KCNU1: variants seen among roughly 807,000 people sequenced by gnomAD.
KCNU1 encodes the protein potassium calcium-activated channel subfamily U member 1.
KCNU1 carries 93 observed loss-of-function variants against 126.8 expected under a neutral mutation model. The observed-to-expected ratio is 0.73, with a 90% CI of 0.62 to 0.87. KCNU1 has a LOEUF of 0.87. KCNU1 is among the 40% of genes least tolerant of loss of function. The pLI, the probability that KCNU1 is intolerant of heterozygous loss-of-function variation, is 0.00. For missense variants in KCNU1, 1,330 were observed against 1,367.1 expected (o/e 0.97, Z 0.43); for synonymous variants, 523 against 494.2 (o/e 1.06, Z -0.77).
chr8:36,898,186 A>C (rs1230343588), intron 19 of KCNU1, among the ~76,000 whole-genome samples: 1 of 152,134 alleles, frequency 6.6e-6, no homozygotes, highest in Non-Finnish European at 1.5e-5. Flanking sequence ...ATGGATAAGA[A>C]GACTTCACAA....
rs764321461 is a variant in KCNU1, at chr8:36,910,961, C to T, written c.2363C>T (p.Ala788Val). The change falls in exon 22 of 27, where the codon GCG becomes GTG. Residue 788 changes from alanine (A) to valine (V), a missense_variant. This residue lies in a region of KCNU1 where 1,054 missense variants were observed against 1,053.9 expected (regional missense o/e 1.00). Coordinates refer to ENST00000399881, the MANE Select transcript of KCNU1 (RefSeq NM_001031836.3). ...GCACTTTATTCTGGAGACCTCCATG[C>T]GGCCAACATAGAGCAATGCTCCATG... ...GCALYSGDLH[A>V]ANIEQCSMCA... The T allele has an allele frequency of 2.3e-5, 37 of 1,612,406 alleles. No individual in the cohort carries two copies. Among genetic ancestry groups the T allele is most frequent in the South Asian group, 1.5e-4 (14 of 90,812 alleles).
chr8:36,795,918 C>G (rs1341460683), intron 2 of KCNU1: 1 of 152,246 alleles, frequency 6.6e-6, no homozygotes, highest in Admixed American at 6.5e-5. Context: ...CACCACAAGC[C>G]CAGGCTAGGT....
intron 16 of KCNU1, among the ~76,000 whole-genome samples, 192 bp downstream of exon 16, chr8:36,841,195 G>C (rs905595913): frequency 7.2e-5 from 11 of 151,990 alleles, no homozygotes; most frequent in Non-Finnish European, 1.3e-4. Flanking sequence ...GCTCAGGTTA[G>C]GGTGGTGACC....
Position 36,909,337 on chromosome 8 carries a change from G to T in KCNU1, c.2133G>T (p.Lys711Asn). Reference protein sequence around the residue: ...TLKRTGKSKYKFRNHIVACVF... With the variant: ...TLKRTGKSKYNFRNHIVACVF... ...AACGAACTGGCAAGTCAAAGTATAA[G>T]TTTCGGAACCATATTGTAGCATGTG... The change falls in exon 21 of 27, where the codon AAG becomes AAT. Residue 711 changes from lysine (K) to asparagine (N), a missense_variant. Physicochemically the swap from Lys to Asn is moderately conservative, Grantham distance 94. Transcript: ENST00000399881. 1 of 1,613,570 alleles carries T rather than the reference G, an allele frequency of 6.2e-7. No homozygotes were observed. Among genetic ancestry groups the T allele is most frequent in the Non-Finnish European group, 8.5e-7 (1 of 1,179,546 alleles).
At chr8:36,891,913 T>C (rs1806978613) in intron 19 of KCNU1, among the ~76,000 whole-genome samples, 1 of 152,104 alleles carries the variant, frequency 6.6e-6, no homozygotes, top group African/African-American at 2.4e-5. Context: ...CTCTGAACAA[T>C]TTGATTATGG....
At position 36,817,895 on chromosome 8, in the gene KCNU1, A is replaced by G. The variant is rs557533545; in HGVS notation, c.1106+135A>G. 5 of 550,410 alleles carry G rather than the reference A, an allele frequency of 9.1e-6. No individual in the cohort carries two copies. The South Asian group carries it at 1.4e-4, about 15-fold the overall frequency. 34.1% of individuals were successfully genotyped at this position (550,410 alleles called of 1,614,324 possible). ...TGATCATAAACAAAACAAAAAAGAA[A>G]AGAAATCTTTGACCAAGCTAATCTC... On this transcript the variant is annotated intron_variant, in intron 10 of 26. Coordinates refer to ENST00000399881, the MANE Select transcript of KCNU1 (RefSeq NM_001031836.3).
At chr8:36,787,025 T>C (rs1802732940) in intron 1 of KCNU1, among the ~76,000 whole-genome samples, 1 of 152,176 alleles carries the variant, frequency 6.6e-6, no homozygotes, top group African/African-American at 2.4e-5. Flanking sequence ...ATTGCAATGA[T>C]GGCAGTTTGA....
At chr8:36,814,140 C>T (rs1009843526) in intron 7 of KCNU1, 67 bp from the exon 8 acceptor site, 1 of 1,210,674 alleles carries the variant, frequency 8.3e-7, no homozygotes, top group South Asian at 1.3e-5. Context: ...TAATGTTTTG[C>T]CTATTCTTTA....
intron 26 of KCNU1, among the ~76,000 whole-genome samples, chr8:36,934,314 G>C (rs983432012): frequency 6.6e-6 from 1 of 152,048 alleles, no homozygotes; most frequent in African/African-American, 2.4e-5. Flanking sequence ...TTGAAAGAAA[G>C]AGCATGTCAA....
rs369528501 is a variant in KCNU1 at position 36,823,507 on chromosome 8, G to A, written c.1106+5747G>A. ...ACACAATTAGTGTTTATATCATTGC[G>A]GCAAATAAATATTGTTCATTGTAGA... On this transcript the variant is annotated intron_variant, in intron 10 of 26. Coordinates refer to ENST00000399881, the MANE Select transcript of KCNU1 (RefSeq NM_001031836.3). Among the ~76,000 whole-genome samples the A allele has an allele frequency of 1.9e-3, 291 of 151,882 alleles. 9 individuals carry two copies. The South Asian group carries it at 0.056, about 29-fold the overall frequency.
At chr8:36,820,979 C>G (rs1258193718) in intron 10 of KCNU1, among the ~76,000 whole-genome samples, 3 of 152,038 alleles carry the variant, frequency 2.0e-5, no homozygotes, top group African/African-American at 4.8e-5. Context: ...ATGACATGAA[C>G]CTGAATTAGG....
At chr8:36,863,253 C>G (rs1356323925) in intron 18 of KCNU1, among the ~76,000 whole-genome samples, 1 of 152,138 alleles carries the variant, frequency 6.6e-6, no homozygotes, top group South Asian at 2.1e-4. Flanking sequence ...CTGTCTGCCA[C>G]TGATCAAAAT....
In KCNU1 at chr8:36,822,205, C is replaced by T. The variant is rs192505038; in HGVS notation, c.1106+4445C>T. Reference sequence around the variant, plus strand: ...AGTATCTTGGAGCCTTGAAATATAACTATAAAAAATAAATACACACACATC... The same window carrying T: ...AGTATCTTGGAGCCTTGAAATATAATTATAAAAAATAAATACACACACATC... On this transcript the variant is annotated intron_variant, in intron 10 of 26. Coordinates refer to ENST00000399881, the MANE Select transcript of KCNU1 (RefSeq NM_001031836.3). 5.5e-3 allele frequency among the ~76,000 whole-genome samples: 831 copies of T among 151,808 alleles called. 5 individuals carry two copies. The highest frequency in any genetic ancestry group is 9.6e-3 in the Non-Finnish European group (651 of 67,934).
At chr8:36,907,926 A>G (rs2117517626) in intron 20 of KCNU1, among the ~76,000 whole-genome samples, 1 of 152,338 alleles carries the variant, frequency 6.6e-6, no homozygotes, top group South Asian at 2.1e-4. Flanking sequence ...ACTTTTAGTG[A>G]GTTAAGAAAT....
chr8:36,864,325 T>C, intron 18 of KCNU1, 79 bp from the exon 19 acceptor site: 1 of 881,728 alleles, frequency 1.1e-6, no homozygotes, highest in South Asian at 1.3e-5. Flanking sequence ...GGTCTATAAA[T>C]GGCTCAGCCA....
Position 36,883,790 on chromosome 8 carries a change from C to CA in KCNU1, c.2009+19277dup, listed in dbSNP as rs1274022035. ...TGGATTGCAGAGCCAGACCCTGTCTCAAAAAAAAGACTTCTGCTGATTATA... is the reference window on the plus strand; with the variant it reads ...TGGATTGCAGAGCCAGACCCTGTCTCAAAAAAAAAGACTTCTGCTGATTATA... On this transcript the variant is annotated intron_variant, in intron 19 of 26. Coordinates refer to ENST00000399881, the MANE Select transcript of KCNU1 (RefSeq NM_001031836.3). Among the ~76,000 whole-genome samples the CA allele has an allele frequency of 2.0e-4, 30 of 151,742 alleles. 1 individual carries two copies. Among genetic ancestry groups the CA allele is most frequent in the Admixed American group, 1.5e-3 (23 of 15,224 alleles).
intron 26 of KCNU1, among the ~76,000 whole-genome samples, chr8:36,934,082 G>C (rs1289856880): frequency 6.6e-6 from 1 of 152,074 alleles, no homozygotes; most frequent in Admixed American, 6.6e-5. Context: ...GGGAGTGAGA[G>C]AGAAAGTATG....
intron 2 of KCNU1, among the ~76,000 whole-genome samples, chr8:36,787,954 G>T (rs1802773741): frequency 1.3e-5 from 2 of 149,976 alleles, no homozygotes; most frequent in Admixed American, 6.7e-5. Flanking sequence ...GCTTTGTTAG[G>T]GCAATATTTG....
At chr8:36,881,283 A>G (rs548688770) in intron 19 of KCNU1, among the ~76,000 whole-genome samples, 4 of 152,328 alleles carry the variant, frequency 2.6e-5, no homozygotes, top group Non-Finnish European at 4.4e-5. Flanking sequence ...TTGCTCTGTC[A>G]TCTAGGCTGG....
Sources: gnomAD v4.1 joint callset for allele counts (sites outside exome capture counted in the v4.1 genomes callset) on GRCh38, gnomAD v4.1.1 for gene constraint, gnomAD v4.1.1 regional missense constraint, MANE v1.5 for transcripts, NCBI Gene and HGNC (gene_info 2026-07-23, HGNC 2026-07-21) for gene names.